Variants in NME1 observed in about 807,000 individuals in gnomAD.
NME1 encodes the protein NME/NM23 nucleoside diphosphate kinase 1.
A neutral mutation model predicts 17.2 loss-of-function variants in NME1; 9 were observed. The ratio of observed to expected loss-of-function variants is 0.52; its 90% CI spans 0.32 to 0.92. The LOEUF (loss-of-function observed/expected upper bound fraction) is 0.92, where lower values mean the gene tolerates loss of function less well. NME1 is among the 40% of genes least tolerant of loss of function. NME1 has a pLI of 0.04. For missense variants in NME1, 169 were observed against 201.7 expected (o/e 0.84, Z 0.98); for synonymous variants, 72 against 70.8 (o/e 1.02, Z -0.09).
chr17:51,155,227 G>A (rs2049768253), intron 1 of NME1, among the ~76,000 whole-genome samples: 1 of 134,938 alleles, frequency 7.4e-6, no homozygotes, highest in Non-Finnish European at 1.5e-5. Context: ...GGGCGAAAGA[G>A]CAAGACTCCA....
intron 1 of NME1, among the ~76,000 whole-genome samples, chr17:51,155,031 G>C (rs913852338): frequency 6.8e-6 from 1 of 147,812 alleles, no homozygotes; most frequent in African/African-American, 2.5e-5. Context: ...CTTGAGGTCA[G>C]GAGTTGGAGA....
intron 2 of NME1, among the ~76,000 whole-genome samples, chr17:51,157,703 A>G (rs1160558668): frequency 6.6e-6 from 1 of 152,156 alleles, no homozygotes; most frequent in East Asian, 1.9e-4. Context: ...GTGATGAGCA[A>G]CCTAAGGCTT....
At chr17:51,156,213 G>A in intron 2 of NME1, 1 of 277,522 alleles carries the variant, frequency 3.6e-6, no homozygotes. Context: ...TTATTGTTTA[G>A]CATATATTAG....
At chr17:51,159,394 T>C (rs111481382) in intron 2 of NME1, among the ~76,000 whole-genome samples, 25,427 of 152,238 alleles carry the variant, frequency 0.17, 2,429 homozygotes, top group Middle Eastern at 0.22. Flanking sequence ...TGCGGTCACC[T>C]GAGACCAGCC....
rs766216023 is a variant in NME1 at position 51,161,895 on chromosome 17, T to C, written c.*50T>C. 2 of 1,157,626 alleles carry C rather than the reference T, an allele frequency of 1.7e-6. No homozygotes were observed. The highest frequency in any genetic ancestry group is 1.2e-5 in the South Asian group (1 of 81,882). The allele number at this position is 1,157,626 out of a possible 1,614,324, so 71.7% of individuals were successfully genotyped here. ...TCACATCCATTTCCCCTCCTTCCCA[T>C]GGGCAGAGGACCAGGCTGTAGGAAA... On this transcript the variant is annotated 3_prime_UTR_variant, in exon 5 of 5. Coordinates refer to ENST00000393196, the MANE Select transcript of NME1 (RefSeq NM_000269.3).
intron 1 of NME1, among the ~76,000 whole-genome samples, chr17:51,154,653 TGG>T (rs1325048328): frequency 6.6e-6 from 1 of 152,218 alleles, no homozygotes; most frequent in Non-Finnish European, 1.5e-5. Context: ...TTGGGAATGC[TGG>T]GTTTTGGCCT....
At chr17:51,161,026 C>A in intron 3 of NME1, 134 bp from the exon 4 acceptor site, 1 of 906,356 alleles carries the variant, frequency 1.1e-6, no homozygotes, top group Non-Finnish European at 1.8e-6. Context: ...TGGATATACT[C>A]TATAAACATT....
chr17:51,154,640 G>A (rs544170366), intron 1 of NME1, among the ~76,000 whole-genome samples: 4 of 152,256 alleles, frequency 2.6e-5, no homozygotes, highest in African/African-American at 9.6e-5. Flanking sequence ...ATGGATTAAT[G>A]GGTTGGGAAT....
chr17:51,159,834 A>G (rs1598239416), intron 2 of NME1, 146 bp from the exon 3 acceptor site: 1 of 859,884 alleles, frequency 1.2e-6, no homozygotes, highest in South Asian at 1.4e-5. Context: ...GCTCCCTTCC[A>G]GTGTGGAGAA....
In NME1 at chr17:51,161,768, AAGG is replaced by A; in HGVS notation, c.385_387del (p.Glu129del). The stretch of plus-strand genomic sequence containing the variant: ...CAGTGATTCTGTGGAGAGTGCAGAG[AAGG>A]AGATCGGCTTGTGGTTTCACCCTGA... On this transcript the variant is annotated inframe_deletion, in exon 5 of 5. Coordinates refer to ENST00000393196, the MANE Select transcript of NME1 (RefSeq NM_000269.3). The A allele has an allele frequency of 1.2e-6, 2 of 1,614,112 alleles. No homozygotes were observed. Among genetic ancestry groups the A allele is most frequent in the Admixed American group, 1.7e-5 (1 of 60,018 alleles).
chr17:51,159,339 G>A (rs539017448), intron 2 of NME1, among the ~76,000 whole-genome samples: 163 of 152,248 alleles, frequency 1.1e-3, no homozygotes, highest in Middle Eastern at 6.8e-3. Context: ...GGTGGCTTAC[G>A]CCCGTAGTCC....
intron 3 of NME1, 74 bp downstream of exon 3, chr17:51,160,155 G>A: frequency 6.5e-7 from 1 of 1,531,956 alleles, no homozygotes; most frequent in Non-Finnish European, 9.0e-7. Context: ...CTAGACACTG[G>A]GGATACAGCC....
chr17:51,158,669 C>T (rs1036502687), intron 2 of NME1, among the ~76,000 whole-genome samples: 4 of 152,138 alleles, frequency 2.6e-5, no homozygotes, highest in African/African-American at 9.7e-5. Context: ...GATGGGGCTT[C>T]TGGGCAGCCA....
At chr17:51,154,328 G>T (rs555302355) in intron 1 of NME1, 313 of 1,565,642 alleles carry the variant, frequency 2.0e-4, no homozygotes, top group Admixed American at 4.2e-4. Context: ...GTGCTAAGAT[G>T]CTGTAAGAAG....
chr17:51,155,724 A>C lies in NME1; in HGVS notation c.70A>C (p.Ile24Leu), dbSNP rs759044927. 1.4e-5 allele frequency: 23 copies of C among 1,614,136 alleles called. No homozygotes were observed. In the East Asian group the frequency reaches 5.1e-4, roughly 36 times the overall value. The change falls in exon 2 of 5, where the codon ATT (isoleucine) becomes CTT (leucine). Residue 24 changes from isoleucine (I) to leucine (L), a missense_variant. Physicochemically the swap from Ile to Leu is conservative, Grantham distance 5. Transcript: ENST00000393196. ...DGVQRGLVGEIIKRFEQKGFR... is the reference protein window; with the variant it reads ...DGVQRGLVGELIKRFEQKGFR... ...GGTCCAGCGGGGTCTTGTGGGAGAG[A>C]TTATCAAGCGTTTTGAGCAGAAAGG...
At chr17:51,154,481 T>G in intron 1 of NME1, 1 of 1,556,624 alleles carries the variant, frequency 6.4e-7, no homozygotes. Context: ...AAATGAGGGA[T>G]CTGGACGGAA....
chr17:51,157,999 G>A (rs576679502), intron 2 of NME1, among the ~76,000 whole-genome samples: 18 of 152,282 alleles, frequency 1.2e-4, no homozygotes, highest in African/African-American at 4.1e-4. Context: ...ATCAGTTAGG[G>A]CCTGGCGTGG....
At chr17:51,155,096 T>G (rs557681842) in intron 1 of NME1, among the ~76,000 whole-genome samples, 1 of 147,258 alleles carries the variant, frequency 6.8e-6, no homozygotes, top group Admixed American at 6.9e-5. Context: ...ATACAGAAAT[T>G]AGCTGGGTGT....
chr17:51,161,924 A>G lies in NME1; in HGVS notation c.*79A>G. ...CAGAGGACCAGGCTGTAGGAAATCTAGTTATTTACAGGAACTTCATCATAA... is the reference window on the plus strand; with the variant it reads ...CAGAGGACCAGGCTGTAGGAAATCTGGTTATTTACAGGAACTTCATCATAA... On this transcript the variant is annotated 3_prime_UTR_variant, in exon 5 of 5. Coordinates refer to ENST00000393196, the MANE Select transcript of NME1 (RefSeq NM_000269.3). 1.1e-6 allele frequency: 1 copy of G among 916,530 alleles called. No individual in the cohort carries two copies. The highest frequency in any genetic ancestry group is 1.8e-6 in the Non-Finnish European group (1 of 552,324). 56.8% of individuals were successfully genotyped at this position (916,530 alleles called of 1,614,324 possible).
Sources: allele counts gnomAD v4.1 joint callset (sites outside exome capture counted in the v4.1 genomes callset), GRCh38; gene constraint gnomAD v4.1.1; transcripts MANE v1.5; gene names NCBI Gene and HGNC (gene_info 2026-07-23, HGNC 2026-07-21).